Variants in PARD3B observed in about 807,000 individuals in gnomAD.
PARD3B encodes the protein partitioning defective 3 homolog B.
A neutral mutation model predicts 130.2 loss-of-function variants in PARD3B; 103 were observed. The ratio of observed to expected loss-of-function variants is 0.79; its 90% CI spans 0.67 to 0.93. The LOEUF (loss-of-function observed/expected upper bound fraction) is 0.93. Among genes scored for constraint, PARD3B ranks in the 40% least tolerant of loss-of-function variants. The pLI, the probability that PARD3B is intolerant of heterozygous loss-of-function variation, is 0.00. For synonymous variants in PARD3B, 583 were observed against 553.2 expected (o/e 1.05, Z -0.76); for missense variants, 1,609 against 1,499.2 (o/e 1.07, Z -1.21).
At chr2:204,582,026 A>T (rs2032582912) in intron 1 of PARD3B, among the ~76,000 whole-genome samples, 1 of 152,148 alleles carries the variant, frequency 6.6e-6, no homozygotes, top group African/African-American at 2.4e-5. Flanking sequence ...TGGCATGCAG[A>T]AGGAGCTTGG....
intron 22 of PARD3B, among the ~76,000 whole-genome samples, chr2:205,606,866 T>A (rs973768268): frequency 2.0e-5 from 3 of 152,152 alleles, no homozygotes; most frequent in Non-Finnish European, 4.4e-5. Flanking sequence ...AGGGATTCCT[T>A]AAAGCTGGGT....
intron 2 of PARD3B, among the ~76,000 whole-genome samples, chr2:204,835,990 A>G (rs1454466839): frequency 1.3e-5 from 2 of 152,206 alleles, no homozygotes; most frequent in African/African-American, 2.4e-5. Flanking sequence ...CCATTTATTG[A>G]CACCCCATTT....
Position 205,183,400 on chromosome 2 carries a change from A to G in PARD3B, c.1925-2364A>G, listed in dbSNP as rs1278972489. On this transcript the variant is annotated intron_variant, in intron 13 of 22. Coordinates refer to ENST00000406610, the MANE Select transcript of PARD3B (RefSeq NM_001302769.2). The surrounding 1 kb of genome is among the most constrained non-coding windows in gnomAD (Gnocchi z 5.2). ...AGAAGATGAGAGCCAACAGAAAGGA[A>G]GTTGTCCCAGGATGTCCATTGTCCC... Among the ~76,000 whole-genome samples, 3 of 152,090 alleles carry G rather than the reference A, an allele frequency of 2.0e-5. No homozygotes were observed. Among genetic ancestry groups the G allele is most frequent in the Non-Finnish European group, 1.5e-5 (1 of 67,988 alleles).
chr2:205,008,258 G>T (rs1695437871), intron 3 of PARD3B, among the ~76,000 whole-genome samples: 1 of 151,280 alleles, frequency 6.6e-6, no homozygotes, highest in South Asian at 2.1e-4. Context: ...CGTGATAAAG[G>T]ATTGCCACAC....
intron 22 of PARD3B, among the ~76,000 whole-genome samples, chr2:205,593,381 C>T (rs993841215): frequency 6.6e-6 from 1 of 151,940 alleles, no homozygotes; most frequent in African/African-American, 2.4e-5. Context: ...TTTTAAAACC[C>T]CAACTGAGTG....
chr2:204,950,313 A>C, intron 2 of PARD3B, among the ~76,000 whole-genome samples: 1 of 152,112 alleles, frequency 6.6e-6, no homozygotes, highest in East Asian at 1.9e-4. Context: ...CATTCAGTAA[A>C]TGTTAGCTGC....
chr2:204,932,822 C>T (rs1688127360), intron 2 of PARD3B, among the ~76,000 whole-genome samples: 1 of 152,188 alleles, frequency 6.6e-6, no homozygotes, highest in Non-Finnish European at 1.5e-5. Flanking sequence ...TGCATTTTTA[C>T]ACTAGTCAGT....
chr2:204,621,101 G>A (rs1416966788), intron 1 of PARD3B, among the ~76,000 whole-genome samples: 1 of 152,142 alleles, frequency 6.6e-6, no homozygotes, highest in Non-Finnish European at 1.5e-5. Flanking sequence ...TCTAACTTCA[G>A]TAGCACACAC....
At chr2:205,087,084 T>C (rs1701784273) in intron 4 of PARD3B, among the ~76,000 whole-genome samples, 1 of 152,244 alleles carries the variant, frequency 6.6e-6, no homozygotes, top group Non-Finnish European at 1.5e-5. Flanking sequence ...TAAGCATTTT[T>C]ATTTTTTCAT....
chr2:204,837,236 C>G (rs2044072737), intron 2 of PARD3B, among the ~76,000 whole-genome samples: 1 of 152,060 alleles, frequency 6.6e-6, no homozygotes, highest in Non-Finnish European at 1.5e-5. Context: ...TCCTCTTTAT[C>G]TCTTAGACAG....
chr2:204,971,409 G>C (rs892559603), intron 3 of PARD3B, among the ~76,000 whole-genome samples: 8 of 152,164 alleles, frequency 5.3e-5, no homozygotes, highest in Non-Finnish European at 1.2e-4. Flanking sequence ...AAGCATGTGA[G>C]GGTTCCTTGT....
intron 2 of PARD3B, among the ~76,000 whole-genome samples, chr2:204,918,101 T>C (rs1270921287): frequency 1.3e-5 from 2 of 152,212 alleles, no homozygotes; most frequent in Non-Finnish European, 1.5e-5. Context: ...AGACAGTTTT[T>C]ATGGAATGAA....
At chr2:204,810,638 T>G (rs1342963022) in intron 2 of PARD3B, among the ~76,000 whole-genome samples, 3 of 152,142 alleles carry the variant, frequency 2.0e-5, no homozygotes, top group African/African-American at 7.2e-5. Flanking sequence ...TGAACCAACC[T>G]TGCATATCAG....
intron 18 of PARD3B, among the ~76,000 whole-genome samples, chr2:205,303,356 C>G (rs1264950813): frequency 6.6e-6 from 1 of 152,102 alleles, no homozygotes; most frequent in East Asian, 1.9e-4. Context: ...TTAGAGTGCT[C>G]CTTACTATAC....
chr2:204,614,098 A>G (rs1396685083), intron 1 of PARD3B, among the ~76,000 whole-genome samples: 1 of 152,034 alleles, frequency 6.6e-6, no homozygotes, highest in Non-Finnish European at 1.5e-5. Context: ...TTCCTTAACC[A>G]TTAGTCTCAT....
At chr2:204,984,105 TA>T (rs1255153103) in intron 3 of PARD3B, among the ~76,000 whole-genome samples, 1 of 152,016 alleles carries the variant, frequency 6.6e-6, no homozygotes, top group African/African-American at 2.4e-5. Flanking sequence ...CCTGCATCTA[TA>T]AAACATCTAA....
chr2:205,379,480 T>C (rs2045223595), intron 18 of PARD3B, among the ~76,000 whole-genome samples: 1 of 152,020 alleles, frequency 6.6e-6, no homozygotes, highest in African/African-American at 2.4e-5. Context: ...TTGGGGTTTT[T>C]TTTAAAAAAA....
At chr2:204,864,364 A>C (rs1036573952) in intron 2 of PARD3B, among the ~76,000 whole-genome samples, 1 of 152,116 alleles carries the variant, frequency 6.6e-6, no homozygotes, top group Admixed American at 6.5e-5. Context: ...TGGCCCTACT[A>C]TCTTCTCTAA....
intron 2 of PARD3B, among the ~76,000 whole-genome samples, chr2:204,779,011 A>G (rs561100691): frequency 9.8e-4 from 149 of 152,226 alleles, no homozygotes; most frequent in African/African-American, 3.3e-3. Context: ...TTATGTGTAC[A>G]TGGGGCTCTA....
Sources: allele counts gnomAD v4.1 joint callset (sites outside exome capture counted in the v4.1 genomes callset), GRCh38; gene constraint gnomAD v4.1.1; non-coding constraint Gnocchi (gnomAD v3.1); transcripts MANE v1.5; gene names NCBI Gene and HGNC (gene_info 2026-07-23, HGNC 2026-07-21).